The following C10orf71 variants were observed in gnomAD, a reference collection of about 807,000 sequenced individuals.
C10orf71 encodes the protein cardiac-enriched FHL2-interacting protein.
For missense variants in C10orf71, 1,869 were observed against 1,804.5 expected (o/e 1.04, Z -0.65); for synonymous variants, 758 against 726.3 (o/e 1.04, Z -0.70).
chr10:49,298,421 C>T (rs1848671592), upstream of C10orf71, among the ~76,000 whole-genome samples: 1 of 152,206 alleles, frequency 6.6e-6, no homozygotes, highest in Admixed American at 6.5e-5. Flanking sequence ...GTAAGGAAGG[C>T]ACTCTGGGAG....
At chr10:49,298,272 C>A (rs746663949), upstream of C10orf71, among the ~76,000 whole-genome samples, 1 of 152,068 alleles carries the variant, frequency 6.6e-6, no homozygotes, top group Non-Finnish European at 1.5e-5. Flanking sequence ...GGACACCCAG[C>A]GGGGGCCAGT....
At chr10:49,312,536 C>G (rs2132413968) in intron 1 of C10orf71, among the ~76,000 whole-genome samples, 1 of 152,354 alleles carries the variant, frequency 6.6e-6, no homozygotes, top group South Asian at 2.1e-4. Flanking sequence ...AGGTAATGTA[C>G]TCAACAAAAG....
intron 1 of C10orf71, among the ~76,000 whole-genome samples, chr10:49,307,410 T>A (rs1396163364): frequency 2.0e-5 from 3 of 152,224 alleles, no homozygotes; most frequent in Non-Finnish European, 4.4e-5. Context: ...AGAGACGGTG[T>A]CTGGCTGAGT....
In C10orf71 at chr10:49,327,146, C is replaced by A; in HGVS notation, c.*293C>A. On this transcript the variant is annotated 3_prime_UTR_variant, in exon 3 of 3. Coordinates refer to ENST00000374144, the MANE Select transcript of C10orf71 (RefSeq NM_001135196.2). ...TACTCCAGCCCTTCTCCCTCCCTCC[C>A]TTCCTCCCTCTCCTGGCCCACCCTG... 1 of 957,832 alleles carries A rather than the reference C, an allele frequency of 1.0e-6. No individual in the cohort carries two copies. The highest frequency in any genetic ancestry group is 1.4e-6 in the Non-Finnish European group (1 of 689,676). 59.3% of individuals were successfully genotyped at this position (957,832 alleles called of 1,614,324 possible).
At position 49,324,912 on chromosome 10, in the gene C10orf71, A is replaced by C; in HGVS notation, c.2367A>C (p.Ala789=). The C allele has an allele frequency of 1.3e-6, 2 of 1,550,866 alleles. No homozygotes were observed. The highest frequency in any genetic ancestry group is 1.7e-6 in the Non-Finnish European group (2 of 1,146,300). Reference sequence around the variant, plus strand: ...ACTGTGCCTTAAGCAATGGGCACGCATGCCTGGAAAACCGCAGCCAGGGGG... The same window carrying C: ...ACTGTGCCTTAAGCAATGGGCACGCCTGCCTGGAAAACCGCAGCCAGGGGG... ...LQYCALSNGH[A]CLENRSQGEA... The change falls in exon 3 of 3, where the codon GCA becomes GCC. Residue 789 remains alanine (A), a synonymous_variant. Coordinates refer to ENST00000374144, the MANE Select transcript of C10orf71 (RefSeq NM_001135196.2).
In C10orf71 at chr10:49,326,459, G is replaced by A. The variant is rs1333582921; in HGVS notation, c.3914G>A (p.Gly1305Asp). 6.5e-7 allele frequency: 1 copy of A among 1,550,276 alleles called. No individual in the cohort carries two copies. Among genetic ancestry groups the A allele is most frequent in the Non-Finnish European group, 8.7e-7 (1 of 1,146,796 alleles). Residue 1305 changes from glycine (G) to aspartate (D), a missense_variant, in exon 3 of 3, where the codon GGC (glycine) becomes GAC (aspartate). By Grantham distance (94) the Gly-to-Asp change is moderately conservative. Coordinates refer to ENST00000374144, the MANE Select transcript of C10orf71 (RefSeq NM_001135196.2). ...AAGACCTTCTATGACCCAGAGACGG[G>A]CAAGTATGTCAAGGTCTCCATCCCG... Reference protein sequence around the residue: ...KIKTFYDPETGKYVKVSIPSS... With the variant: ...KIKTFYDPETDKYVKVSIPSS...
In C10orf71 at chr10:49,325,139, C is replaced by T. The variant is rs1212183429; in HGVS notation, c.2594C>T (p.Thr865Ile). 3.2e-6 allele frequency: 5 copies of T among 1,552,006 alleles called. No individual in the cohort carries two copies. The highest frequency in any genetic ancestry group is 2.7e-5 in the African/African-American group (2 of 73,050). Residue 865 changes from threonine (T) to isoleucine (I), a missense_variant, in exon 3 of 3, where the codon ACC (threonine) becomes ATC (isoleucine). Transcript: ENST00000374144. Reference sequence around the variant, plus strand: ...ATTAAAGACAACACCCTCAGAGCTACCCCCGTAATTAAACCTATCATGCTG... The same window carrying T: ...ATTAAAGACAACACCCTCAGAGCTATCCCCGTAATTAAACCTATCATGCTG... ...FTIKDNTLRATPVIKPIMLPL... is the reference protein window; with the variant it reads ...FTIKDNTLRAIPVIKPIMLPL...
At position 49,313,980 on chromosome 10, in the gene C10orf71, G is replaced by A. The variant is rs569320039; in HGVS notation, c.-247-2165G>A. On this transcript the variant is annotated intron_variant, in intron 1 of 2. Coordinates refer to ENST00000374144, the MANE Select transcript of C10orf71 (RefSeq NM_001135196.2). Reference sequence around the variant, plus strand: ...GAGTGAGAAGAGAAGAGGCTCCAGGGCTGGGAGCAGAGGAAATCCAGCAGT... The same window carrying A: ...GAGTGAGAAGAGAAGAGGCTCCAGGACTGGGAGCAGAGGAAATCCAGCAGT... 1.1e-4 allele frequency among the ~76,000 whole-genome samples: 17 copies of A among 152,294 alleles called. No individual in the cohort carries two copies. The South Asian group carries it at 3.5e-3, about 32-fold the overall frequency.
chr10:49,308,933 C>G (rs1017444283), intron 1 of C10orf71, among the ~76,000 whole-genome samples: 7 of 152,182 alleles, frequency 4.6e-5, no homozygotes, highest in African/African-American at 1.4e-4. Context: ...GCACAGAGGC[C>G]GAGGACTGGG....
intron 1 of C10orf71, among the ~76,000 whole-genome samples, chr10:49,299,744 G>A (rs1441702822): frequency 6.6e-6 from 1 of 152,248 alleles, no homozygotes; most frequent in Non-Finnish European, 1.5e-5. Context: ...GTGCACAGAT[G>A]TGCCCAGGCC....
chr10:49,312,930 G>C (rs183102425), intron 1 of C10orf71, among the ~76,000 whole-genome samples: 16 of 152,300 alleles, frequency 1.1e-4, no homozygotes, highest in African/African-American at 3.8e-4. Context: ...AATAAGTTCT[G>C]CTAAGCCTGT....
Position 49,325,516 on chromosome 10 carries a change from G to T in C10orf71, c.2971G>T (p.Asp991Tyr), listed in dbSNP as rs1214806318. 6.4e-7 allele frequency: 1 copy of T among 1,551,148 alleles called. No homozygotes were observed. The change falls in exon 3 of 3, where the codon GAC (aspartate) becomes TAC (tyrosine). Residue 991 changes from aspartate (D) to tyrosine (Y), a missense_variant. Coordinates refer to ENST00000374144, the MANE Select transcript of C10orf71 (RefSeq NM_001135196.2). ...AAGCAATTGCAAGAGCGGTTCTGCAGACTCAGGGAAGCTGGCAGCCCCATG... is the reference window on the plus strand; with the variant it reads ...AAGCAATTGCAAGAGCGGTTCTGCATACTCAGGGAAGCTGGCAGCCCCATG... ...VASNCKSGSA[D>Y]SGKLAAPWHI...
upstream of C10orf71, among the ~76,000 whole-genome samples, chr10:49,297,069 C>T (rs890645310): frequency 2.6e-5 from 4 of 152,222 alleles, no homozygotes; most frequent in Admixed American, 6.5e-5. Flanking sequence ...AAACACCATT[C>T]GCTCCTGCTG....
chr10:49,326,198 A>T lies in C10orf71; in HGVS notation c.3653A>T (p.Gln1218Leu). The T allele has an allele frequency of 6.4e-7, 1 of 1,551,364 alleles. No homozygotes were observed. The change falls in exon 3 of 3, where the codon CAG (glutamine) becomes CTG (leucine). Residue 1218 changes from glutamine to leucine, a missense_variant. Coordinates refer to ENST00000374144, the MANE Select transcript of C10orf71 (RefSeq NM_001135196.2). ...TGCCCGGAGGACTTGGAGCAGACAC[A>T]GCAAAGGCCGCTGTGCCCCAGAGAG... ...KPCPEDLEQT[Q>L]QRPLCPRERP...
chr10:49,307,075 G>A (rs1848826996), intron 1 of C10orf71, among the ~76,000 whole-genome samples: 1 of 152,252 alleles, frequency 6.6e-6, no homozygotes, highest in African/African-American at 2.4e-5. Context: ...CCTGGGATAG[G>A]AAGACAGGGT....
intron 2 of C10orf71, 146 bp from the exon 3 acceptor site, chr10:49,322,256 C>T (rs963560449): frequency 1.4e-4 from 37 of 258,300 alleles, no homozygotes; most frequent in African/African-American, 7.1e-4. Flanking sequence ...ACAGCTAGAC[C>T]GGTCTACAGT....
chr10:49,307,873 G>A (rs866816349), intron 1 of C10orf71, among the ~76,000 whole-genome samples: 22 of 152,190 alleles, frequency 1.4e-4, no homozygotes, highest in African/African-American at 5.3e-4. Flanking sequence ...TGCCATAAGG[G>A]TCCCTCCCTG....
chr10:49,324,028 A>G lies in C10orf71; in HGVS notation c.1483A>G (p.Lys495Glu), dbSNP rs1160912999. ...TCAGTCTCGAGACAGCTACAAGTCC[A>G]AAGCCCCTAGCCTGCTGTTCAACCT... ...ECQSRDSYKS[K>E]APSLLFNLKD... Residue 495 changes from lysine (K) to glutamate (E), a missense_variant, in exon 3 of 3, where the codon AAA becomes GAA. Physicochemically the swap from Lys to Glu is moderately conservative, Grantham distance 56. Transcript: ENST00000374144. The G allele has an allele frequency of 8.7e-6, 14 of 1,613,746 alleles. No individual in the cohort carries two copies. The highest frequency in any genetic ancestry group is 1.1e-5 in the Non-Finnish European group (13 of 1,179,774).
intron 1 of C10orf71, among the ~76,000 whole-genome samples, chr10:49,300,012 A>T (rs947200653): frequency 3.3e-4 from 50 of 152,322 alleles, no homozygotes; most frequent in Middle Eastern, 3.4e-3. Context: ...GGTATGCTTG[A>T]CTGAGTCTAA....
Sources: allele counts gnomAD v4.1 joint callset (sites outside exome capture counted in the v4.1 genomes callset), GRCh38; gene constraint gnomAD v4.1.1; transcripts MANE v1.5; gene names NCBI Gene and HGNC (gene_info 2026-07-23, HGNC 2026-07-21).